The following ZFHX4 variants were observed in gnomAD, a reference collection of about 807,000 sequenced individuals.
The protein encoded by ZFHX4 is zinc finger homeobox protein 4.
Under a neutral mutation model 267.6 loss-of-function variants are expected in ZFHX4, and 56 were observed. The ratio of observed to expected loss-of-function variants is 0.21; its 90% CI spans 0.17 to 0.26. The LOEUF (loss-of-function observed/expected upper bound fraction) is 0.26, where lower values mean the gene tolerates loss of function less well. Among genes scored for constraint, ZFHX4 ranks in the 10% least tolerant of loss-of-function variants. The pLI, the probability that ZFHX4 is intolerant of heterozygous loss-of-function variation, is 1.00. For missense variants in ZFHX4, 4,332 were observed against 4,420.0 expected, an observed-to-expected ratio of 0.98 and a Z score of 0.56; for synonymous variants, 1,778 against 1,665.6, an observed-to-expected ratio of 1.07 and a Z score of -1.64.
At chr8:76,780,007 A>T (rs1810506795) in intron 4 of ZFHX4, among the ~76,000 whole-genome samples, 1 of 152,072 alleles carries the variant, frequency 6.6e-6, no homozygotes. Flanking sequence ...TAGAACCATA[A>T]GCAAAAAGAT....
intron 1 of ZFHX4, among the ~76,000 whole-genome samples, chr8:76,698,367 T>C (rs1215791841): frequency 2.0e-5 from 3 of 152,164 alleles, no homozygotes; most frequent in Non-Finnish European, 4.4e-5. Flanking sequence ...GGAAAGTAGC[T>C]GGAGTTTGAT....
intron 1 of ZFHX4, among the ~76,000 whole-genome samples, chr8:76,685,842 T>C (rs1807679061): frequency 6.6e-6 from 1 of 152,252 alleles, no homozygotes; most frequent in Non-Finnish European, 1.5e-5. Context: ...ATAGCTATCA[T>C]TGCATTTTGT....
chr8:76,808,476 G>A (rs543247743), intron 4 of ZFHX4, among the ~76,000 whole-genome samples: 17 of 152,232 alleles, frequency 1.1e-4, no homozygotes, highest in Admixed American at 9.8e-4. Context: ...CCTAGTAAGC[G>A]AGTTAAAGGC....
In ZFHX4 at chr8:76,855,686, A is replaced by G; in HGVS notation, c.8765A>G (p.Lys2922Arg). 6.2e-7 allele frequency: 1 copy of G among 1,613,902 alleles called. No homozygotes were observed. The highest frequency in any genetic ancestry group is 8.5e-7 in the Non-Finnish European group (1 of 1,179,858). ...GGATCCAGCAATCCCTTTAAATCCA[A>G]AAGTAATGATCGGCCGGGTCACAAG... ...PFGSSNPFKS[K>R]SNDRPGHKRF... The change falls in exon 10 of 11, where the codon AAA becomes AGA. Residue 2922 changes from lysine (K) to arginine (R), a missense_variant. By Grantham distance (26) the Lys-to-Arg change is conservative (BLOSUM62 2). Transcript: ENST00000651372.
At chr8:76,713,887 AACACAC>A (rs142829711) in intron 3 of ZFHX4, among the ~76,000 whole-genome samples, 3 of 149,510 alleles carry the variant, frequency 2.0e-5, no homozygotes, top group Non-Finnish European at 4.5e-5. Context: ...TTTACTCCTG[AACACAC>A]ACACACACAC....
At chr8:76,741,709 C>G (rs11786868) in intron 3 of ZFHX4, among the ~76,000 whole-genome samples, 51,414 of 152,030 alleles carry the variant, frequency 0.34, 13,058 homozygotes, top group African/African-American at 0.71. Flanking sequence ...AGATAGAAAT[C>G]GAGACACCTT....
chr8:76,853,192 C>T lies in ZFHX4; in HGVS notation c.6271C>T (p.Leu2091Phe), dbSNP rs1812597909. 8 of 1,556,008 alleles carry T rather than the reference C, an allele frequency of 5.1e-6. No individual in the cohort carries two copies. The highest frequency in any genetic ancestry group is 1.2e-5 in the South Asian group (1 of 84,552). Reference sequence around the variant, plus strand: ...GATGCAACCTGTGCAACACCCTGCGCTTCCTCCCCAGCTTGCCCTGCAGCT... The same window carrying T: ...GATGCAACCTGTGCAACACCCTGCGTTTCCTCCCCAGCTTGCCCTGCAGCT... ...IMMQPVQHPA[L>F]PPQLALQLPQ... Residue 2091 changes from leucine (L) to phenylalanine (F), a missense_variant, in exon 10 of 11, where the codon CTT becomes TTT. Physicochemically the swap from Leu to Phe is conservative, Grantham distance 22. This residue lies in a region of ZFHX4 where 1,371 missense variants were observed against 1,423.1 expected (regional missense o/e 0.96). Transcript: ENST00000651372.
chr8:76,797,492 T>G (rs536311089), intron 4 of ZFHX4, among the ~76,000 whole-genome samples: 2 of 152,186 alleles, frequency 1.3e-5, no homozygotes, highest in Non-Finnish European at 2.9e-5. Flanking sequence ...TGAGCAACTC[T>G]TATTGCATAT....
chr8:76,819,388 T>A (rs1160821227), intron 4 of ZFHX4, among the ~76,000 whole-genome samples: 2 of 152,188 alleles, frequency 1.3e-5, no homozygotes, highest in African/African-American at 4.8e-5. Flanking sequence ...GAAATACCTA[T>A]AAACTATTCT....
intron 6 of ZFHX4, among the ~76,000 whole-genome samples, chr8:76,847,589 T>A (rs1053844964): frequency 2.0e-5 from 3 of 152,086 alleles, no homozygotes; most frequent in Non-Finnish European, 2.9e-5. Flanking sequence ...AGAATAAAAT[T>A]ATTGTCATGA....
At position 76,850,942 on chromosome 8, in the gene ZFHX4, G is replaced by A. The variant is rs1458001766; in HGVS notation, c.4021G>A (p.Val1341Met). ...MAGLEDSKAN[V>M]EVKNEEQKPT... ...AGGTCTCGAGGATTCAAAGGCTAAT[G>A]TGGAAGTAAAGAATGAGGAGCAGAA... The change falls in exon 10 of 11, where the codon GTG becomes ATG. Residue 1341 changes from valine to methionine, a missense_variant. By Grantham distance (21) the Val-to-Met change is conservative. Transcript: ENST00000651372. The A allele has an allele frequency of 5.6e-6, 9 of 1,613,220 alleles. No homozygotes were observed. The highest frequency in any genetic ancestry group is 2.2e-5 in the East Asian group (1 of 44,824).
In ZFHX4 at chr8:76,706,418, A is replaced by G. The variant is rs757841215; in HGVS notation, c.2330A>G (p.Asn777Ser). ...TGTGAAGTTTGTGATTATGAAACCA[A>G]TGTCGCCAGGAACCTCCGAATTCAT... is the stretch of plus-strand genomic sequence containing the variant. The part of the protein sequence containing the change: ...WRCEVCDYET[N>S]VARNLRIHMT... The change falls in exon 2 of 11, where the codon AAT becomes AGT. Residue 777 changes from asparagine to serine, a missense_variant. Around this residue, in one of 7 missense-constraint regions of ZFHX4, gnomAD observed 1,195 missense variants for 1,173.6 expected, o/e 1.02. Transcript: ENST00000651372. 7.6e-5 allele frequency: 122 copies of G among 1,614,160 alleles called. 1 individual carries two copies. The African/African-American group carries it at 9.2e-4, about 12-fold the overall frequency.
Position 76,854,853 on chromosome 8 carries a change from G to GA in ZFHX4, c.7939dup (p.Arg2647LysfsTer29). On this transcript the variant is annotated frameshift_variant, in exon 10 of 11. Transcript: ENST00000651372. LOFTEE classifies it high-confidence loss of function. ...ATCATATTGCCCGCGAAGTCGGGCT[G>GA]AAAAAAAGGGTCGTGCAAGTCTGGT... 4 of 1,608,238 alleles carry GA rather than the reference G, an allele frequency of 2.5e-6. No individual in the cohort carries two copies. Among genetic ancestry groups the GA allele is most frequent in the South Asian group, 1.1e-5 (1 of 89,710 alleles).
chr8:76,690,334 T>C (rs1458836366), intron 1 of ZFHX4, among the ~76,000 whole-genome samples: 1 of 152,058 alleles, frequency 6.6e-6, no homozygotes, highest in African/African-American at 2.4e-5. Flanking sequence ...GTTCTAACAA[T>C]GTTAAAATAC....
intron 10 of ZFHX4, among the ~76,000 whole-genome samples, chr8:76,858,326 A>T (rs1812783783): frequency 1.3e-5 from 2 of 152,268 alleles, no homozygotes; most frequent in Non-Finnish European, 2.9e-5. Flanking sequence ...ATTAGTGAGA[A>T]GATGTTGGAG....
chr8:76,762,929 T>C (rs1010954230), intron 3 of ZFHX4, among the ~76,000 whole-genome samples: 1 of 152,206 alleles, frequency 6.6e-6, no homozygotes, highest in African/African-American at 2.4e-5. Flanking sequence ...AGAGATATTA[T>C]TCTTTCTCTA....
intron 1 of ZFHX4, chr8:76,682,943 T>A (rs2131568432): frequency 6.6e-6 from 1 of 152,510 alleles, no homozygotes; most frequent in African/African-American, 2.4e-5. Context: ...ATAAAATCTC[T>A]CATGGAATTG....
At chr8:76,731,765 G>A (rs1192875365) in intron 3 of ZFHX4, among the ~76,000 whole-genome samples, 2 of 151,696 alleles carry the variant, frequency 1.3e-5, no homozygotes, top group Non-Finnish European at 2.9e-5. Flanking sequence ...AATGAATGCT[G>A]ACCACACTGG....
intron 3 of ZFHX4, among the ~76,000 whole-genome samples, chr8:76,726,043 G>C (rs139139306): frequency 6.6e-6 from 1 of 152,050 alleles, no homozygotes; most frequent in Non-Finnish European, 1.5e-5. Context: ...TAAAGTCTTC[G>C]GGACACTGGT....
Sources: gnomAD v4.1 joint callset for allele counts (sites outside exome capture counted in the v4.1 genomes callset) on GRCh38, gnomAD v4.1.1 for gene constraint, gnomAD v4.1.1 regional missense constraint, MANE v1.5 for transcripts, NCBI Gene and HGNC (gene_info 2026-07-23, HGNC 2026-07-21) for gene names.